The following SENP5 variants were observed in gnomAD, a reference collection of about 807,000 sequenced individuals.
SENP5 encodes SUMO specific peptidase 5, also known as sentrin-specific protease 5.
A neutral mutation model predicts 74.2 loss-of-function variants in SENP5; 21 were observed. The observed-to-expected ratio is 0.28, with a 90% confidence interval of 0.20 to 0.41. The LOEUF (loss-of-function observed/expected upper bound fraction) is 0.41. Among genes scored for constraint, SENP5 ranks in the 10% least tolerant of loss-of-function variants. The probability of loss-of-function intolerance (pLI) is 1.00; values close to 1 mark genes in which losing one functional copy is unlikely to be tolerated. For synonymous variants in SENP5, 311 were observed against 312.7 expected, an observed-to-expected ratio of 0.99 and a Z score of 0.06; for missense variants, 717 against 889.1, an observed-to-expected ratio of 0.81 and a Z score of 2.46.
chr3:196,911,096 AAC>A (rs1715105415), intron 6 of SENP5, among the ~76,000 whole-genome samples: 1 of 152,230 alleles, frequency 6.6e-6, no homozygotes, highest in Admixed American at 6.5e-5. Flanking sequence ...TTAATTGTAA[AAC>A]ACAAAATCGT....
chr3:196,874,574 T>C (rs1713370863), intron 1 of SENP5, among the ~76,000 whole-genome samples: 1 of 152,148 alleles, frequency 6.6e-6, no homozygotes. Context: ...TTTCCTTTGC[T>C]TAGTCTTTCT....
chr3:196,921,951 C>G (rs759963842), intron 6 of SENP5, among the ~76,000 whole-genome samples: 1 of 152,162 alleles, frequency 6.6e-6, no homozygotes. Flanking sequence ...ATGTGGAGCA[C>G]TTACTACTTT....
rs1360289792 is a variant in SENP5, at chr3:196,932,011, A to G, written c.*1088A>G. On this transcript the variant is annotated 3_prime_UTR_variant, in exon 10 of 10. Transcript: ENST00000323460. The stretch of plus-strand genomic sequence containing the variant: ...TTTCTCCTGTCCCATTAGTGACCTC[A>G]GTAACATGCAGGGTACGTCTGGCTT... 7.2e-6 allele frequency: 3 copies of G among 418,920 alleles called. No individual in the cohort carries two copies. The East Asian group carries it at 2.4e-4, about 33-fold the overall frequency. 26.0% of individuals were successfully genotyped at this position (418,920 alleles called of 1,614,324 possible).
At chr3:196,917,674 GA>G (rs1715438193) in intron 6 of SENP5, among the ~76,000 whole-genome samples, 1 of 151,940 alleles carries the variant, frequency 6.6e-6, no homozygotes, top group African/African-American at 2.4e-5. Context: ...AGTGCTGAAG[GA>G]AAAAAACGTT....
chr3:196,891,771 G>A (rs13079776), intron 2 of SENP5, among the ~76,000 whole-genome samples: 1 of 151,994 alleles, frequency 6.6e-6, no homozygotes, highest in African/African-American at 2.4e-5. Context: ...TGCATTCCAC[G>A]CTGGGTGACA....
intron 1 of SENP5, among the ~76,000 whole-genome samples, chr3:196,875,818 C>T (rs1713439546): frequency 1.3e-5 from 2 of 152,006 alleles, no homozygotes; most frequent in Non-Finnish European, 2.9e-5. Flanking sequence ...AAACTTTGAC[C>T]TCCCATGCCC....
chr3:196,880,032 G>C (rs1713655355), intron 1 of SENP5, among the ~76,000 whole-genome samples: 3 of 151,804 alleles, frequency 2.0e-5, no homozygotes, highest in Non-Finnish European at 4.4e-5. Flanking sequence ...TGCAACTTCT[G>C]CCTCCTGGGT....
chr3:196,870,915 A>T (rs564796308), intron 1 of SENP5, among the ~76,000 whole-genome samples: 3 of 152,146 alleles, frequency 2.0e-5, no homozygotes, highest in South Asian at 2.1e-4. Flanking sequence ...TCATGCCTGT[A>T]ATCCCAGCAC....
Position 196,886,224 on chromosome 3 carries a change from A to G in SENP5, c.1043A>G (p.Gln348Arg). ...TTAGACGAAGCATTCCCTGACCAAC[A>G]GAATGGCAGTGCCACAAACGCCTGG... ...LSLDEAFPDQ[Q>R]NGSATNAWDQ... The change falls in exon 2 of 10, where the codon CAG becomes CGG. Residue 348 changes from glutamine (Q) to arginine (R), a missense_variant. Around this residue, in one of 4 missense-constraint regions of SENP5, gnomAD observed 567 missense variants for 577.4 expected, o/e 0.98. Coordinates refer to ENST00000323460, the MANE Select transcript of SENP5 (RefSeq NM_152699.5). 1 of 1,614,256 alleles carries G rather than the reference A, an allele frequency of 6.2e-7. No individual in the cohort carries two copies. The highest frequency in any genetic ancestry group is 1.6e-4 in the Middle Eastern group (1 of 6,062).
chr3:196,916,345 A>G (rs1057054710), intron 6 of SENP5, among the ~76,000 whole-genome samples: 1 of 151,998 alleles, frequency 6.6e-6, no homozygotes, highest in African/African-American at 2.4e-5. Context: ...ACAAACAAAA[A>G]AAACATGCAG....
chr3:196,899,603 G>T (rs1330279040), intron 2 of SENP5, 63 bp from the exon 3 acceptor site: 11 of 975,448 alleles, frequency 1.1e-5, no homozygotes, highest in Admixed American at 5.2e-5. Context: ...AGTGTTTGGA[G>T]AATGACTCTA....
At chr3:196,910,017 A>C (rs1182866242) in intron 6 of SENP5, among the ~76,000 whole-genome samples, 1 of 152,320 alleles carries the variant, frequency 6.6e-6, no homozygotes, top group South Asian at 2.1e-4. Context: ...TCTCAGCCCC[A>C]AAACCCCTTA....
chr3:196,908,196 C>T (rs1714984181), intron 6 of SENP5, among the ~76,000 whole-genome samples: 1 of 152,094 alleles, frequency 6.6e-6, no homozygotes, highest in South Asian at 2.1e-4. Context: ...GGGAGGATCA[C>T]TTGAGCCTGG....
At chr3:196,926,957 G>T (rs1435045713) in intron 7 of SENP5, among the ~76,000 whole-genome samples, 2 of 152,050 alleles carry the variant, frequency 1.3e-5, no homozygotes, top group Non-Finnish European at 2.9e-5. Context: ...GTCCACTTTT[G>T]TTGGGGGGTG....
intron 6 of SENP5, among the ~76,000 whole-genome samples, chr3:196,918,089 C>CGTGA (rs1715457704): frequency 6.7e-6 from 1 of 148,882 alleles, no homozygotes; most frequent in Admixed American, 6.7e-5. Flanking sequence ...GCAGGTGGAT[C>CGTGA]ACGAGGTCAG....
At chr3:196,903,812 C>CA (rs1714796234) in intron 6 of SENP5, among the ~76,000 whole-genome samples, 1 of 152,186 alleles carries the variant, frequency 6.6e-6, no homozygotes, top group Non-Finnish European at 1.5e-5. Flanking sequence ...AGTGGTAGAA[C>CA]AGTGGGATGA....
intron 1 of SENP5, among the ~76,000 whole-genome samples, chr3:196,870,131 C>T (rs1309226098): frequency 2.6e-5 from 4 of 152,080 alleles, no homozygotes; most frequent in East Asian, 1.9e-4. Context: ...CATGTCTTTG[C>T]GAATTTTTAG....
chr3:196,900,193 CA>C, intron 4 of SENP5, 131 bp downstream of exon 4: 1 of 1,282,656 alleles, frequency 7.8e-7, no homozygotes, highest in East Asian at 2.4e-5. Flanking sequence ...TTACTTGCCC[CA>C]GGATCCAAAC....
At chr3:196,879,556 TA>T (rs1390882315) in intron 1 of SENP5, among the ~76,000 whole-genome samples, 1 of 152,208 alleles carries the variant, frequency 6.6e-6, no homozygotes, top group Non-Finnish European at 1.5e-5. Flanking sequence ...CCTCCAGGCT[TA>T]AGGCACATTG....
Sources: gnomAD v4.1 joint callset for allele counts (sites outside exome capture counted in the v4.1 genomes callset) on GRCh38, gnomAD v4.1.1 for gene constraint, gnomAD v4.1.1 regional missense constraint, MANE v1.5 for transcripts, NCBI Gene and HGNC (gene_info 2026-07-23, HGNC 2026-07-21) for gene names.